PTPRK: variants seen among roughly 807,000 people sequenced by gnomAD.
PTPRK encodes receptor-type tyrosine-protein phosphatase kappa.
A neutral mutation model predicts 178.0 loss-of-function variants in PTPRK; 75 were observed. That is an observed-to-expected ratio of 0.42 (90% CI 0.35 to 0.51). The LOEUF is 0.51. Ranked by LOEUF, PTPRK falls within the 20% of genes least tolerant of loss-of-function variation. The pLI is 0.02. For synonymous variants in PTPRK, 637 were observed against 620.6 expected, an observed-to-expected ratio of 1.03 and a Z score of -0.39; for missense variants, 1,441 against 1,797.8, an observed-to-expected ratio of 0.80 and a Z score of 3.59.
chr6:128,117,280 G>A (rs1015815698), intron 7 of PTPRK, among the ~76,000 whole-genome samples: 2 of 152,144 alleles, frequency 1.3e-5, no homozygotes, highest in Non-Finnish European at 2.9e-5. Flanking sequence ...GCTCCTCTAG[G>A]AAGAAATAAG....
At chr6:128,399,333 A>G (rs1275257929) in intron 1 of PTPRK, among the ~76,000 whole-genome samples, 2 of 152,226 alleles carry the variant, frequency 1.3e-5, no homozygotes, top group Non-Finnish European at 2.9e-5. Flanking sequence ...TGGTGGCACT[A>G]CAAGCTCTGA....
At position 128,240,161 on chromosome 6, in the gene PTPRK, AG is replaced by A. The variant is rs72291480; in HGVS notation, c.578-12del. The A allele has an allele frequency of 0.037, 58,718 of 1,570,882 alleles. 4,990 individuals are homozygous for A. The highest frequency in any genetic ancestry group is 0.33 in the East Asian group (14,532 of 44,242). On this transcript the variant is annotated splice_polypyrimidine_tract_variant and intron_variant, in intron 4 of 29. Coordinates refer to ENST00000368226, the MANE Select transcript of PTPRK (RefSeq NM_002844.4). ...AATGAGGAGATTTATCTGTGAAGGA[AG>A]GGAAAAAAAAATGTATTTGTTTTCA...
chr6:128,188,288 T>C (rs1221952356), intron 6 of PTPRK, among the ~76,000 whole-genome samples: 2 of 152,096 alleles, frequency 1.3e-5, no homozygotes, highest in Admixed American at 1.3e-4. Context: ...ATCAAGCAAA[T>C]CATTATGAAA....
At chr6:128,163,359 A>G (rs13206537) in intron 7 of PTPRK, among the ~76,000 whole-genome samples, 7,491 of 151,328 alleles carry the variant, frequency 0.05, 237 homozygotes, top group South Asian at 0.13. Flanking sequence ...ATTGACAAAT[A>G]AAAACATTAA....
chr6:128,187,170 CT>C (rs767175679), intron 6 of PTPRK, among the ~76,000 whole-genome samples: 19 of 151,912 alleles, frequency 1.3e-4, no homozygotes, highest in Non-Finnish European at 2.5e-4. Context: ...ACTCTGCACA[CT>C]CTTGCTATGG....
At chr6:127,995,573 A>T (rs748565187) in intron 17 of PTPRK, 35 bp from the exon 18 acceptor site, 12 of 1,332,424 alleles carry the variant, frequency 9.0e-6, no homozygotes, top group Non-Finnish European at 1.2e-5. Context: ...AAGCTGTTAA[A>T]TTTTCCCCCT....
chr6:128,361,627 C>A (rs1834758477), intron 2 of PTPRK, among the ~76,000 whole-genome samples: 1 of 152,038 alleles, frequency 6.6e-6, no homozygotes, highest in Non-Finnish European at 1.5e-5. Flanking sequence ...GTCTATTGCT[C>A]CTACAATATA....
At chr6:128,489,071 T>A (rs932228626) in intron 1 of PTPRK, among the ~76,000 whole-genome samples, 1 of 152,158 alleles carries the variant, frequency 6.6e-6, no homozygotes, top group Non-Finnish European at 1.5e-5. Flanking sequence ...AAAAGCATAC[T>A]TTAAAAAATA....
intron 3 of PTPRK, among the ~76,000 whole-genome samples, chr6:128,244,470 A>G (rs1461952433): frequency 1.3e-5 from 2 of 152,202 alleles, no homozygotes; most frequent in African/African-American, 4.8e-5. Flanking sequence ...TCGAATGGTT[A>G]AGAAAGAAAG....
chr6:128,490,537 T>G (rs1196492702), intron 1 of PTPRK, among the ~76,000 whole-genome samples: 1 of 152,194 alleles, frequency 6.6e-6, no homozygotes, highest in East Asian at 1.9e-4. Flanking sequence ...AAGTTCTGTC[T>G]TCATGAGAAG....
chr6:128,460,788 CT>C (rs1461979387), intron 1 of PTPRK, among the ~76,000 whole-genome samples: 1 of 152,182 alleles, frequency 6.6e-6, no homozygotes, highest in Non-Finnish European at 1.5e-5. Flanking sequence ...CATTAAACTT[CT>C]GTAAGAAACT....
At chr6:128,421,764 T>C (rs1843509989) in intron 1 of PTPRK, among the ~76,000 whole-genome samples, 1 of 152,258 alleles carries the variant, frequency 6.6e-6, no homozygotes, top group African/African-American at 2.4e-5. Context: ...GATGGAATTA[T>C]CATGAAATAA....
chr6:128,100,151 C>T (rs974870090), intron 7 of PTPRK, among the ~76,000 whole-genome samples: 2 of 151,850 alleles, frequency 1.3e-5, no homozygotes, highest in Non-Finnish European at 2.9e-5. Context: ...AATAAACCTG[C>T]CTTAGACTAT....
At chr6:128,330,101 C>G (rs1297562546) in intron 2 of PTPRK, among the ~76,000 whole-genome samples, 1 of 152,152 alleles carries the variant, frequency 6.6e-6, no homozygotes, top group East Asian at 1.9e-4. Flanking sequence ...ATGCCAGAAA[C>G]TGTTGGTGTA....
Position 128,322,023 on chromosome 6 carries a change from A to G in PTPRK, c.495+16T>C, listed in dbSNP as rs1236469067. The G allele has an allele frequency of 1.2e-6, 2 of 1,613,674 alleles. No homozygotes were observed. The highest frequency in any genetic ancestry group is 8.5e-7 in the Non-Finnish European group (1 of 1,179,882). Reference sequence around the variant, plus strand: ...GATGACATCAAAACATACACCAGAAAAGTACAGATGATTACCTGATATTCA... The same window carrying G: ...GATGACATCAAAACATACACCAGAAGAGTACAGATGATTACCTGATATTCA... On this transcript the variant is annotated intron_variant, in intron 3 of 29. Coordinates refer to ENST00000368226, the MANE Select transcript of PTPRK (RefSeq NM_002844.4).
At chr6:128,025,637 C>T (rs1379261674) in intron 13 of PTPRK, among the ~76,000 whole-genome samples, 3 of 152,154 alleles carry the variant, frequency 2.0e-5, no homozygotes, top group Admixed American at 6.5e-5. Flanking sequence ...TAGAGGGCCC[C>T]AAAGCAGTAT....
chr6:127,993,779 T>A (rs908583806), intron 18 of PTPRK, among the ~76,000 whole-genome samples: 2 of 151,712 alleles, frequency 1.3e-5, no homozygotes, highest in African/African-American at 4.8e-5. Flanking sequence ...TATATACTCA[T>A]ATCGTTTACA....
At chr6:128,207,295 A>G (rs1807150320) in intron 6 of PTPRK, among the ~76,000 whole-genome samples, 1 of 152,142 alleles carries the variant, frequency 6.6e-6, no homozygotes. Context: ...TCCCCGCTAC[A>G]AAATCAAGTG....
intron 2 of PTPRK, among the ~76,000 whole-genome samples, chr6:128,364,170 C>T (rs1835153851): frequency 6.6e-6 from 1 of 151,894 alleles, no homozygotes; most frequent in Non-Finnish European, 1.5e-5. Flanking sequence ...TAAAATTACC[C>T]AACATGAAAA....
Sources: allele counts gnomAD v4.1 joint callset (sites outside exome capture counted in the v4.1 genomes callset), GRCh38; gene constraint gnomAD v4.1.1; transcripts MANE v1.5; gene names NCBI Gene and HGNC (gene_info 2026-07-23, HGNC 2026-07-21).